The following ELAPOR2 variants were observed in gnomAD, a reference collection of about 807,000 sequenced individuals.
ELAPOR2 encodes the protein endosome/lysosome-associated apoptosis and autophagy regulator family member 2.
Under a neutral mutation model 120.7 loss-of-function variants are expected in ELAPOR2, and 89 were observed. The ratio of observed to expected loss-of-function variants is 0.74; its 90% CI spans 0.62 to 0.88. The LOEUF (loss-of-function observed/expected upper bound fraction) is 0.88. ELAPOR2 is among the 40% of genes least tolerant of loss of function. The pLI is 0.00. For synonymous variants in ELAPOR2, 444 were observed against 444.9 expected, an observed-to-expected ratio of 1.00 and a Z score of 0.03; for missense variants, 1,134 against 1,251.6, an observed-to-expected ratio of 0.91 and a Z score of 1.42.
chr7:87,033,645 A>G (rs1372524274), intron 1 of ELAPOR2, among the ~76,000 whole-genome samples: 1 of 145,018 alleles, frequency 6.9e-6, no homozygotes, highest in Non-Finnish European at 1.5e-5. Context: ...AAGAGAATCC[A>G]AAAAAAATTT....
intron 1 of ELAPOR2, among the ~76,000 whole-genome samples, chr7:86,979,618 T>A (rs1436026879): frequency 6.6e-6 from 1 of 152,102 alleles, no homozygotes; most frequent in Non-Finnish European, 1.5e-5. Flanking sequence ...AGACTTGACA[T>A]GAGTAAAGCC....
In ELAPOR2 at chr7:86,896,590, G is replaced by A. The variant is rs190362930; in HGVS notation, c.2685+916C>T. Among the ~76,000 whole-genome samples the A allele has an allele frequency of 6.5e-4, 99 of 152,120 alleles. 1 individual carries two copies. In the East Asian group the frequency reaches 0.017, roughly 27 times the overall value. On this transcript the variant is annotated intron_variant, in intron 19 of 21. Coordinates refer to ENST00000450689, the MANE Select transcript of ELAPOR2 (RefSeq NM_001142749.3). ...GCCCACTCTCCCTTCAGGTTTCCAGGATTAGTGTTGATTTATTTTCCTCTG... is the reference window on the plus strand; with the variant it reads ...GCCCACTCTCCCTTCAGGTTTCCAGAATTAGTGTTGATTTATTTTCCTCTG...
At chr7:86,992,282 T>C (rs750548293) in intron 1 of ELAPOR2, among the ~76,000 whole-genome samples, 5 of 152,122 alleles carry the variant, frequency 3.3e-5, no homozygotes, top group Non-Finnish European at 7.4e-5. Context: ...GTTTAAAAAT[T>C]AGCTGAGCAT....
rs73706828 is a variant in ELAPOR2 at position 86,920,098 on chromosome 7, G to T, written c.1400-788C>A. ...GTATCTGCCACTGCAAGAGGTAAAA[G>T]ACAGAAATTAAGGAAGAGCCTGGTT... On this transcript the variant is annotated intron_variant, in intron 10 of 21. Coordinates refer to ENST00000450689, the MANE Select transcript of ELAPOR2 (RefSeq NM_001142749.3). 8.1e-3 allele frequency among the ~76,000 whole-genome samples: 1,239 copies of T among 152,232 alleles called. 15 individuals carry two copies. The highest frequency in any genetic ancestry group is 0.028 in the African/African-American group (1,170 of 41,544).
chr7:86,964,842 G>T (rs1791846413), intron 2 of ELAPOR2, 62 bp downstream of exon 2: 3 of 1,519,498 alleles, frequency 2.0e-6, no homozygotes, highest in African/African-American at 1.4e-5. Flanking sequence ...TAACATCTAG[G>T]GCTAATATGA....
chr7:86,919,911 C>T (rs1789749772), intron 10 of ELAPOR2: 1 of 152,176 alleles, frequency 6.6e-6, no homozygotes, highest in Non-Finnish European at 1.5e-5. Context: ...GCACAGAGAA[C>T]CATTATGAGG....
rs114034353 is a variant in ELAPOR2, at chr7:86,951,999, A to C, written c.311-4077T>G. On this transcript the variant is annotated intron_variant, in intron 2 of 21. Transcript: ENST00000450689. ...TTTAAGCAGCAAAATCACCCAAAAA[A>C]ATAACTAAAATGCTAAACACATAGT... is the stretch of plus-strand genomic sequence containing the variant. Among the ~76,000 whole-genome samples, 397 of 152,294 alleles carry C rather than the reference A, an allele frequency of 2.6e-3. 5 individuals carry two copies. Among genetic ancestry groups the C allele is most frequent in the African/African-American group, 8.0e-3 (331 of 41,554 alleles).
rs764628880 is a variant in ELAPOR2, at chr7:86,918,535, T to A, written c.1500A>T (p.Thr500=). The change falls in exon 12 of 22, where the codon ACA becomes ACT. Residue 500 remains threonine, a synonymous_variant. Coordinates refer to ENST00000450689, the MANE Select transcript of ELAPOR2 (RefSeq NM_001142749.3). ...NLHIPGFKPP[T]SMTGATGSEL... is the part of the protein sequence containing the mutation. ...CAGAACCCGTGGCTCCAGTCATAGA[T>A]GTTGGTGGTCTATTTGACAGATTAA... 6.2e-6 allele frequency: 10 copies of A among 1,603,790 alleles called. No homozygotes were observed. In the Admixed American group the frequency reaches 1.0e-4, roughly 16 times the overall value.
At chr7:87,021,069 T>C (rs1562971101) in intron 1 of ELAPOR2, among the ~76,000 whole-genome samples, 1 of 152,136 alleles carries the variant, frequency 6.6e-6, no homozygotes, top group Non-Finnish European at 1.5e-5. Flanking sequence ...TTATCCCTAC[T>C]TTACAGATTA....
At position 86,947,876 on chromosome 7, in the gene ELAPOR2, T is replaced by C; in HGVS notation, c.357A>G (p.Val119=). The C allele has an allele frequency of 1.3e-6, 2 of 1,552,180 alleles. No homozygotes were observed. The highest frequency in any genetic ancestry group is 1.7e-6 in the Non-Finnish European group (2 of 1,147,080). ...SGEYLEMKNQ[V]CSKCGEGTYS... The stretch of plus-strand genomic sequence containing the variant: ...AGGTGCCTTCACCACACTTACTGCA[T>C]ACCTGGTTCTTCATTTCTAGATACT... The change falls in exon 3 of 22, where the codon GTA becomes GTG. Residue 119 remains valine (V), a synonymous_variant. Transcript: ENST00000450689.
chr7:86,924,650 T>TAATATA (rs1490383707), intron 10 of ELAPOR2, among the ~76,000 whole-genome samples: 1 of 152,038 alleles, frequency 6.6e-6, no homozygotes, highest in African/African-American at 2.4e-5. Flanking sequence ...AGGCTTTGTC[T>TAATATA]TTTCCTCTTT....
At chr7:86,956,728 T>C (rs1334071659) in intron 2 of ELAPOR2, among the ~76,000 whole-genome samples, 1 of 152,152 alleles carries the variant, frequency 6.6e-6, no homozygotes, top group African/African-American at 2.4e-5. Context: ...CTTCAATGTT[T>C]GATGGGGGAG....
At position 86,938,794 on chromosome 7, in the gene ELAPOR2, T is replaced by C. The variant is rs761229594; in HGVS notation, c.1000+14A>G. On this transcript the variant is annotated intron_variant, in intron 7 of 21. Transcript: ENST00000450689. ...CATTTAGAAAGAAAAAAGCAGAGTA[T>C]AAACTAGTTCTACCTGAAAATTGAG... The C allele has an allele frequency of 6.2e-7, 1 of 1,612,380 alleles. No homozygotes were observed. Among genetic ancestry groups the C allele is most frequent in the Non-Finnish European group, 8.5e-7 (1 of 1,178,790 alleles).
At chr7:87,012,093 C>A (rs1226278940) in intron 1 of ELAPOR2, among the ~76,000 whole-genome samples, 1 of 152,076 alleles carries the variant, frequency 6.6e-6, no homozygotes, top group Admixed American at 6.5e-5. Flanking sequence ...TAGCACACTT[C>A]AATTTGAAAT....
chr7:86,926,085 G>C (rs1190469081), intron 9 of ELAPOR2, among the ~76,000 whole-genome samples: 4 of 151,928 alleles, frequency 2.6e-5, no homozygotes, highest in Non-Finnish European at 4.4e-5. Context: ...CAACTTAACA[G>C]AATATTAATA....
chr7:86,965,912 C>CCACAT, intron 1 of ELAPOR2: 2 of 985,294 alleles, frequency 2.0e-6, no homozygotes, highest in Non-Finnish European at 2.4e-6. Flanking sequence ...AAACATCAAG[C>CCACAT]CACATCACCA....
intron 1 of ELAPOR2, among the ~76,000 whole-genome samples, chr7:86,997,761 TG>T (rs1793172912): frequency 6.6e-6 from 1 of 152,212 alleles, no homozygotes; most frequent in African/African-American, 2.4e-5. Context: ...AGATCACATG[TG>T]TTCTAGATCC....
intron 2 of ELAPOR2, among the ~76,000 whole-genome samples, chr7:86,957,550 A>G (rs964190159): frequency 1.3e-5 from 2 of 152,228 alleles, no homozygotes; most frequent in Middle Eastern, 3.2e-3. Context: ...CAATGAAAAC[A>G]TATTCTATAT....
At chr7:86,938,994 G>A (rs1447251341) in intron 6 of ELAPOR2, 34 bp from the exon 7 acceptor site, 1 of 1,610,920 alleles carries the variant, frequency 6.2e-7, no homozygotes, top group East Asian at 2.2e-5. Context: ...CATGGGAGGG[G>A]GACCCAATAC....
Sources: gnomAD v4.1 joint callset for allele counts (sites outside exome capture counted in the v4.1 genomes callset) on GRCh38, gnomAD v4.1.1 for gene constraint, MANE v1.5 for transcripts, NCBI Gene and HGNC (gene_info 2026-07-23, HGNC 2026-07-21) for gene names.